PRKCA: variants seen among roughly 807,000 people sequenced by gnomAD.
The protein encoded by PRKCA is protein kinase C alpha, also known as protein kinase C alpha type.
PRKCA carries 27 observed loss-of-function variants against 87.0 expected under a neutral mutation model. That is an observed-to-expected ratio of 0.31 (90% confidence interval 0.23 to 0.43). The LOEUF (loss-of-function observed/expected upper bound fraction) is 0.43, where lower values mean the gene tolerates loss of function less well. PRKCA is among the 20% of genes least tolerant of loss of function. PRKCA has a pLI of 1.00. For missense variants in PRKCA, 518 were observed against 852.3 expected (o/e 0.61, Z 4.88); for synonymous variants, 329 against 311.1 (o/e 1.06, Z -0.61).
Position 66,805,677 on chromosome 17 carries a change from G to C in PRKCA, c.*1640G>C, listed in dbSNP as rs535362311. 6.6e-6 allele frequency: 1 copy of C among 152,188 alleles called. No homozygotes were observed. The highest frequency in any genetic ancestry group is 2.1e-4 in the South Asian group (1 of 4,828). 9.4% of individuals were successfully genotyped at this position (152,188 alleles called of 1,614,324 possible). A position where few individuals can be genotyped will look rare whatever the true frequency, so the allele number is the denominator to read the frequency against. Reference sequence around the variant, plus strand: ...TCTTAGTTTCTTCATGTCACCTTTCGTCCTGGTTCCTCCGCCACTCTTCCT... The same window carrying C: ...TCTTAGTTTCTTCATGTCACCTTTCCTCCTGGTTCCTCCGCCACTCTTCCT... On this transcript the variant is annotated 3_prime_UTR_variant, in exon 17 of 17. Transcript: ENST00000413366.
intron 3 of PRKCA, among the ~76,000 whole-genome samples, chr17:66,634,895 A>T (rs1033648558): frequency 6.6e-6 from 1 of 152,196 alleles, no homozygotes; most frequent in African/African-American, 2.4e-5. Flanking sequence ...TGAGAGATAA[A>T]TGATGAAAAA....
chr17:66,608,146 TTGGAGCACACTGAC>T (rs1487079232), intron 3 of PRKCA, among the ~76,000 whole-genome samples: 5 of 151,704 alleles, frequency 3.3e-5, no homozygotes, highest in Non-Finnish European at 7.4e-5. Flanking sequence ...AGCACACCGA[TTGGAGCACACTGAC>T]TGAAGCACAC....
At chr17:66,340,196 TA>T (rs1441633874) in intron 2 of PRKCA, 3 of 152,060 alleles carry the variant, frequency 2.0e-5, no homozygotes, top group African/African-American at 7.2e-5. Context: ...CTACACACCA[TA>T]AAATGTTTGT....
intron 16 of PRKCA, among the ~76,000 whole-genome samples, chr17:66,801,399 A>G (rs1975894744): frequency 6.6e-6 from 1 of 152,032 alleles, no homozygotes; most frequent in African/African-American, 2.4e-5. Context: ...TCCCTGGGGG[A>G]AGAATCATCC....
intron 11 of PRKCA, 132 bp downstream of exon 11, chr17:66,738,987 A>T (rs754863824): frequency 1.5e-6 from 1 of 674,638 alleles, no homozygotes. Context: ...GGCTCGGGTG[A>T]TTCTCCCACC....
chr17:66,541,956 A>G (rs757892589), intron 3 of PRKCA, among the ~76,000 whole-genome samples: 3 of 152,270 alleles, frequency 2.0e-5, no homozygotes, highest in African/African-American at 4.8e-5. Context: ...CATTTGTTCT[A>G]TGTAAGGCTG....
intron 3 of PRKCA, among the ~76,000 whole-genome samples, chr17:66,553,568 T>C (rs1228467841): frequency 6.6e-6 from 1 of 152,218 alleles, no homozygotes; most frequent in East Asian, 1.9e-4. Flanking sequence ...TGACAGTGTG[T>C]GACTTCTGAG....
intron 2 of PRKCA, among the ~76,000 whole-genome samples, chr17:66,346,244 G>C (rs544859638): frequency 6.6e-6 from 1 of 151,768 alleles, no homozygotes; most frequent in Admixed American, 6.6e-5. Flanking sequence ...CTACAGGCAC[G>C]TGCCACCACG....
chr17:66,388,984 G>C (rs8080178), intron 2 of PRKCA, among the ~76,000 whole-genome samples: 1 of 152,128 alleles, frequency 6.6e-6, no homozygotes, highest in African/African-American at 2.4e-5. Context: ...AGAAAAAGCT[G>C]TGGGAAATCG....
At chr17:66,714,995 T>G (rs749832146) in intron 8 of PRKCA, among the ~76,000 whole-genome samples, 2 of 152,216 alleles carry the variant, frequency 1.3e-5, no homozygotes, top group Non-Finnish European at 2.9e-5. Context: ...TATGGAAATA[T>G]TGTGCTAAAT....
At chr17:66,374,808 A>C (rs1909329076) in intron 2 of PRKCA, among the ~76,000 whole-genome samples, 1 of 147,266 alleles carries the variant, frequency 6.8e-6, no homozygotes, top group Admixed American at 6.8e-5. Context: ...GCTCACTGCA[A>C]CCTCTGCTTC....
At chr17:66,636,649 C>T (rs566020057) in intron 3 of PRKCA, among the ~76,000 whole-genome samples, 117 of 152,284 alleles carry the variant, frequency 7.7e-4, no homozygotes, top group African/African-American at 2.6e-3. Context: ...GAAGTTTGCT[C>T]CTAAGGATAA....
chr17:66,651,572 G>A (rs1971591975), intron 5 of PRKCA, among the ~76,000 whole-genome samples: 1 of 152,198 alleles, frequency 6.6e-6, no homozygotes, highest in African/African-American at 2.4e-5. Context: ...GAGGCTGCCA[G>A]CAAGGAGATG....
chr17:66,694,354 C>A (rs992820232), intron 8 of PRKCA, among the ~76,000 whole-genome samples: 1 of 151,214 alleles, frequency 6.6e-6, no homozygotes, highest in Non-Finnish European at 1.5e-5. Context: ...TAGTGGCGGG[C>A]GCCTGTAATC....
At chr17:66,636,842 A>G (rs1194886400) in intron 3 of PRKCA, among the ~76,000 whole-genome samples, 3 of 152,172 alleles carry the variant, frequency 2.0e-5, no homozygotes, top group African/African-American at 7.2e-5. Flanking sequence ...GGGTCAGAAC[A>G]CAGGTCTCCA....
chr17:66,673,047 T>A (rs1762225178), intron 5 of PRKCA, among the ~76,000 whole-genome samples: 1 of 152,230 alleles, frequency 6.6e-6, no homozygotes, highest in Non-Finnish European at 1.5e-5. Context: ...CTTCCTACGT[T>A]GTTTATGCAG....
At chr17:66,645,550 C>A in intron 5 of PRKCA, 39 bp downstream of exon 5, 1 of 1,612,446 alleles carries the variant, frequency 6.2e-7, no homozygotes, top group South Asian at 1.1e-5. Flanking sequence ...CGTGGGCAGG[C>A]ATTTGGATGA....
chr17:66,340,813 A>T (rs1235556916), intron 2 of PRKCA, among the ~76,000 whole-genome samples: 4 of 152,150 alleles, frequency 2.6e-5, no homozygotes, highest in African/African-American at 9.7e-5. Flanking sequence ...GAAGCAATAA[A>T]TTTTGTGAAA....
intron 2 of PRKCA, among the ~76,000 whole-genome samples, chr17:66,315,874 A>G (rs1014351573): frequency 3.3e-5 from 5 of 152,224 alleles, no homozygotes; most frequent in Non-Finnish European, 7.3e-5. Flanking sequence ...AGTCTATGTC[A>G]TGCCAGACCC....
Sources: gnomAD v4.1 joint callset for allele counts (sites outside exome capture counted in the v4.1 genomes callset) on GRCh38, gnomAD v4.1.1 for gene constraint, MANE v1.5 for transcripts, NCBI Gene and HGNC (gene_info 2026-07-23, HGNC 2026-07-21) for gene names.